The following LRRC4C variants were observed in gnomAD, a reference collection of about 807,000 sequenced individuals.
The protein encoded by LRRC4C is leucine-rich repeat-containing protein 4C.
LRRC4C carries 5 observed loss-of-function variants against 33.6 expected under a neutral mutation model. The ratio of observed to expected loss-of-function variants is 0.15; its 90% CI spans 0.08 to 0.31. The LOEUF (loss-of-function observed/expected upper bound fraction) is 0.31, where lower values mean the gene tolerates loss of function less well. Among genes scored for constraint, LRRC4C ranks in the 10% least tolerant of loss-of-function variants. LRRC4C has a pLI of 1.00. For synonymous variants in LRRC4C, 329 were observed against 302.0 expected (o/e 1.09, Z -0.93); for missense variants, 560 against 796.7 (o/e 0.70, Z 3.58).
intron 1 of LRRC4C, among the ~76,000 whole-genome samples, chr11:41,362,656 G>C (rs1952397090): frequency 6.6e-6 from 1 of 152,146 alleles, no homozygotes; most frequent in African/African-American, 2.4e-5. Flanking sequence ...TTCTTTTACA[G>C]TCTAGAGGTC....
chr11:40,247,090 C>T (rs917565151), intron 4 of LRRC4C, among the ~76,000 whole-genome samples: 14 of 151,602 alleles, frequency 9.2e-5, no homozygotes, highest in Non-Finnish European at 2.1e-4. Flanking sequence ...CCACTCAGAG[C>T]CTGTAACTCC....
At chr11:40,487,765 T>C (rs1182885992) in intron 3 of LRRC4C, among the ~76,000 whole-genome samples, 2 of 152,150 alleles carry the variant, frequency 1.3e-5, no homozygotes, top group Non-Finnish European at 2.9e-5. Context: ...GATTTTGATC[T>C]TGTTTAAAAA....
chr11:40,340,023 A>G (rs909595636), intron 3 of LRRC4C, among the ~76,000 whole-genome samples: 1 of 152,286 alleles, frequency 6.6e-6, no homozygotes, highest in African/African-American at 2.4e-5. Flanking sequence ...TGGTGTTCTG[A>G]AATGAATAAC....
At chr11:40,307,516 T>C (rs1945099387) in intron 4 of LRRC4C, among the ~76,000 whole-genome samples, 1 of 152,250 alleles carries the variant, frequency 6.6e-6, no homozygotes. Flanking sequence ...TCTTTCCAAC[T>C]GCATGATATT....
intron 3 of LRRC4C, among the ~76,000 whole-genome samples, chr11:40,377,365 T>C (rs1358655846): frequency 1.3e-5 from 2 of 152,164 alleles, no homozygotes; most frequent in Admixed American, 6.5e-5. Context: ...AGAAAATGAT[T>C]ATTAGCACTT....
At chr11:40,213,587 T>C (rs184655462) in intron 5 of LRRC4C, among the ~76,000 whole-genome samples, 1 of 152,264 alleles carries the variant, frequency 6.6e-6, no homozygotes, top group Non-Finnish European at 1.5e-5. Flanking sequence ...ATTCCCAAGA[T>C]CCGTCTTCTG....
At chr11:40,830,002 A>G (rs1952338526) in intron 2 of LRRC4C, among the ~76,000 whole-genome samples, 1 of 152,168 alleles carries the variant, frequency 6.6e-6, no homozygotes, top group African/African-American at 2.4e-5. Flanking sequence ...TTGACAGAAG[A>G]GCTAACAGTT....
At chr11:40,917,658 T>G (rs190207809) in intron 2 of LRRC4C, among the ~76,000 whole-genome samples, 151 of 152,270 alleles carry the variant, frequency 9.9e-4, no homozygotes, top group African/African-American at 3.5e-3. Flanking sequence ...GTAAAGTTAG[T>G]GAGGCTTACT....
chr11:41,405,622 C>T (rs1013672412), intron 1 of LRRC4C, among the ~76,000 whole-genome samples: 4 of 152,036 alleles, frequency 2.6e-5, no homozygotes, highest in Admixed American at 2.0e-4. Flanking sequence ...AAACATTCCC[C>T]TACAGGGGTG....
intron 2 of LRRC4C, among the ~76,000 whole-genome samples, chr11:40,815,951 G>A (rs1951688567): frequency 1.3e-5 from 2 of 152,154 alleles, no homozygotes; most frequent in Non-Finnish European, 2.9e-5. Flanking sequence ...TTCTATACAT[G>A]TAGTCAAAAT....
intron 1 of LRRC4C, among the ~76,000 whole-genome samples, chr11:41,023,651 A>C (rs1459754337): frequency 6.6e-6 from 1 of 151,802 alleles, no homozygotes; most frequent in Non-Finnish European, 1.5e-5. Flanking sequence ...TTATGTTTGC[A>C]CAGCAAATAC....
At chr11:40,751,231 C>T (rs1306990092) in intron 2 of LRRC4C, among the ~76,000 whole-genome samples, 1 of 152,100 alleles carries the variant, frequency 6.6e-6, no homozygotes, top group Non-Finnish European at 1.5e-5. Context: ...CCACTTTTAC[C>T]ACTCTGATTC....
intron 3 of LRRC4C, among the ~76,000 whole-genome samples, chr11:40,544,413 A>T (rs1495303): frequency 6.6e-6 from 1 of 152,034 alleles, no homozygotes; most frequent in Non-Finnish European, 1.5e-5. Flanking sequence ...CACAGGCTTA[A>T]ATATTACTGA....
At chr11:40,771,448 G>A (rs568802990) in intron 2 of LRRC4C, among the ~76,000 whole-genome samples, 18 of 152,308 alleles carry the variant, frequency 1.2e-4, no homozygotes, top group African/African-American at 3.1e-4. Flanking sequence ...AGGGGCTGCT[G>A]TGAAGGTCTC....
chr11:40,716,571 C>CT (rs1465415002), intron 2 of LRRC4C, among the ~76,000 whole-genome samples: 1 of 152,090 alleles, frequency 6.6e-6, no homozygotes, highest in African/African-American at 2.4e-5. Context: ...AAGAACAGTA[C>CT]TTACGACATT....
At chr11:40,303,054 G>A (rs182569580) in intron 4 of LRRC4C, among the ~76,000 whole-genome samples, 33 of 152,100 alleles carry the variant, frequency 2.2e-4, no homozygotes, top group African/African-American at 5.3e-4. Context: ...TTTTTCGAAC[G>A]GTAAAGGAAC....
intron 1 of LRRC4C, among the ~76,000 whole-genome samples, chr11:40,959,956 T>C (rs1850863091): frequency 6.6e-6 from 1 of 151,732 alleles, no homozygotes; most frequent in South Asian, 2.1e-4. Context: ...AATTGTACAA[T>C]GTTAGATGAT....
chr11:40,340,880 G>A (rs1411987253), intron 3 of LRRC4C, among the ~76,000 whole-genome samples: 2 of 152,136 alleles, frequency 1.3e-5, no homozygotes, highest in Non-Finnish European at 2.9e-5. Context: ...CAAAAATTAA[G>A]CTCATGTAGT....
At chr11:40,542,867 T>C (rs909455001) in intron 3 of LRRC4C, among the ~76,000 whole-genome samples, 1 of 152,140 alleles carries the variant, frequency 6.6e-6, no homozygotes, top group Non-Finnish European at 1.5e-5. Flanking sequence ...GTTTTTGCTT[T>C]TGTGAATGTT....
Sources: allele counts gnomAD v4.1 joint callset (sites outside exome capture counted in the v4.1 genomes callset), GRCh38; gene constraint gnomAD v4.1.1; transcripts MANE v1.5; gene names NCBI Gene and HGNC (gene_info 2026-07-23, HGNC 2026-07-21).